The following FRMD4A variants were observed in gnomAD, a reference collection of about 807,000 sequenced individuals.
FRMD4A encodes the protein FERM domain-containing protein 4A.
In FRMD4A, 29 loss-of-function variants were observed where a neutral mutation model predicts 129.1. The ratio of observed to expected loss-of-function variants is 0.22; its 90% CI spans 0.17 to 0.31. FRMD4A has a LOEUF of 0.31. FRMD4A is among the 10% of genes least tolerant of loss of function. The pLI is 1.00. For missense variants in FRMD4A, 1,272 were observed against 1,375.8 expected (o/e 0.92, Z 1.19); for synonymous variants, 634 against 571.6 (o/e 1.11, Z -1.56).
At chr10:14,046,663 C>A (rs1834002280) in intron 2 of FRMD4A, among the ~76,000 whole-genome samples, 1 of 152,154 alleles carries the variant, frequency 6.6e-6, no homozygotes, top group African/African-American at 2.4e-5. Flanking sequence ...TAGAGAAAAT[C>A]ATTTCTGTTT....
intron 2 of FRMD4A, among the ~76,000 whole-genome samples, chr10:14,079,528 TAC>T (rs1835805719): frequency 6.6e-6 from 1 of 152,234 alleles, no homozygotes; most frequent in Non-Finnish European, 1.5e-5. Context: ...AACACCAATG[TAC>T]TAATAATCAA....
chr10:13,749,559 C>T (rs1219951839), intron 8 of FRMD4A, among the ~76,000 whole-genome samples: 1 of 152,124 alleles, frequency 6.6e-6, no homozygotes, highest in South Asian at 2.1e-4. Context: ...ATCAGCGTCA[C>T]CATTGGATGC....
intron 2 of FRMD4A, among the ~76,000 whole-genome samples, chr10:14,077,110 C>T (rs1319292293): frequency 1.3e-5 from 2 of 152,146 alleles, no homozygotes; most frequent in East Asian, 3.9e-4. Flanking sequence ...CACCCAAACA[C>T]CTAGAGGAGT....
At chr10:13,784,759 T>TG (rs1351880864) in intron 5 of FRMD4A, among the ~76,000 whole-genome samples, 9 of 151,626 alleles carry the variant, frequency 5.9e-5, no homozygotes, top group Non-Finnish European at 1.0e-4. Context: ...GAGGCTGAGG[T>TG]GGGGGGAATC....
At chr10:14,144,687 G>A (rs368027737) in intron 2 of FRMD4A, among the ~76,000 whole-genome samples, 48 of 152,232 alleles carry the variant, frequency 3.2e-4, no homozygotes, top group African/African-American at 1.2e-3. Flanking sequence ...AGTTTGTTCT[G>A]GTAGAGATGG....
intron 2 of FRMD4A, among the ~76,000 whole-genome samples, chr10:14,300,157 C>T (rs1447966313): frequency 2.6e-5 from 4 of 152,026 alleles, no homozygotes; most frequent in Non-Finnish European, 5.9e-5. Context: ...GAATGTATTT[C>T]CTTAGCAAAA....
At chr10:14,052,124 G>A (rs182278148) in intron 2 of FRMD4A, among the ~76,000 whole-genome samples, 1 of 152,302 alleles carries the variant, frequency 6.6e-6, no homozygotes, top group African/African-American at 2.4e-5. Flanking sequence ...GCCAATGGAT[G>A]CCAAGTATGC....
chr10:13,658,772 C>A (rs367657434), intron 21 of FRMD4A, among the ~76,000 whole-genome samples: 2 of 151,180 alleles, frequency 1.3e-5, no homozygotes, highest in East Asian at 2.0e-4. Context: ...ATCCCACCTA[C>A]TTGGGAGGCT....
In FRMD4A at chr10:13,889,786, C is replaced by T. The variant is rs549294346; in HGVS notation, c.46-30874G>A. ...TTAATTTTTTCTCCCTAAAACATTA[C>T]TTCTACCCACACAACTTCATACACC... On this transcript the variant is annotated intron_variant, in intron 2 of 24. Coordinates refer to ENST00000357447, the MANE Select transcript of FRMD4A (RefSeq NM_018027.5). 1.2e-3 allele frequency among the ~76,000 whole-genome samples: 187 copies of T among 152,326 alleles called. 1 individual carries two copies. The highest frequency in any genetic ancestry group is 4.2e-3 in the African/African-American group (176 of 41,578).
chr10:13,733,568 G>GC (rs1274223045), intron 12 of FRMD4A, among the ~76,000 whole-genome samples: 1 of 152,074 alleles, frequency 6.6e-6, no homozygotes, highest in Non-Finnish European at 1.5e-5. Context: ...GATTATAGGC[G>GC]CCCCGCCCCC....
chr10:14,018,940 C>A (rs1832606931), intron 2 of FRMD4A, among the ~76,000 whole-genome samples: 1 of 152,076 alleles, frequency 6.6e-6, no homozygotes, highest in Admixed American at 6.5e-5. Flanking sequence ...CAAGAGAATA[C>A]CGATCACTAG....
intron 7 of FRMD4A, 130 bp downstream of exon 7, chr10:13,762,494 G>T: frequency 1.6e-6 from 1 of 628,938 alleles, no homozygotes; most frequent in Non-Finnish European, 2.9e-6. Flanking sequence ...GCTCTATGCA[G>T]CTTGTGGCTA....
chr10:14,321,544 G>A (rs896852087), intron 2 of FRMD4A, among the ~76,000 whole-genome samples: 1 of 152,106 alleles, frequency 6.6e-6, no homozygotes, highest in Admixed American at 6.5e-5. Context: ...GGGACATGAG[G>A]CTGGGCAGGT....
intron 2 of FRMD4A, among the ~76,000 whole-genome samples, chr10:14,056,322 G>A (rs1224638163): frequency 6.6e-6 from 1 of 151,968 alleles, no homozygotes; most frequent in Non-Finnish European, 1.5e-5. Context: ...GTGAGCCACC[G>A]GACCTGATCT....
In FRMD4A at chr10:13,666,156, T is replaced by A; in HGVS notation, c.1544A>T (p.Asn515Ile). Reference protein sequence around the residue: ...KKLQEIENAINENRIKSGKKP... With the variant: ...KKLQEIENAIIENRIKSGKKP... ...CTTCCCAGACTTGATGCGGTTCTCA[T>A]TGATTGCATTTTCAATCTCCTGCAG... Residue 515 changes from asparagine to isoleucine, a missense_variant, in exon 18 of 25, where the codon AAT becomes ATT. Physicochemically the swap from Asn to Ile is moderately radical, Grantham distance 149. Around this residue, in one of 2 missense-constraint regions of FRMD4A, gnomAD observed 972 missense variants for 892.3 expected, o/e 1.09. Coordinates refer to ENST00000357447, the MANE Select transcript of FRMD4A (RefSeq NM_018027.5). The A allele has an allele frequency of 1.9e-6, 3 of 1,613,656 alleles. 1 individual carries two copies. The highest frequency in any genetic ancestry group is 2.2e-5 in the South Asian group (2 of 91,068).
At chr10:14,046,756 G>C (rs928762882) in intron 2 of FRMD4A, among the ~76,000 whole-genome samples, 1 of 152,150 alleles carries the variant, frequency 6.6e-6, no homozygotes, top group African/African-American at 2.4e-5. Flanking sequence ...TGTTCTGCCT[G>C]GCTTTGCCCT....
At chr10:13,715,848 G>C (rs1003540110) in intron 12 of FRMD4A, among the ~76,000 whole-genome samples, 4 of 149,528 alleles carry the variant, frequency 2.7e-5, no homozygotes, top group Non-Finnish European at 5.9e-5. Flanking sequence ...GGAGGTTGCA[G>C]TGAGCAGAGA....
intron 2 of FRMD4A, chr10:13,971,752 G>T: frequency 7.7e-7 from 1 of 1,304,430 alleles, no homozygotes; most frequent in Non-Finnish European, 1.0e-6. Context: ...GACAAGTCAG[G>T]TTCCAACTCC....
At chr10:13,756,550 A>G (rs534319134) in intron 8 of FRMD4A, among the ~76,000 whole-genome samples, 1 of 152,120 alleles carries the variant, frequency 6.6e-6, no homozygotes, top group Non-Finnish European at 1.5e-5. Flanking sequence ...TTTTTAGTGG[A>G]GACGGGGTTT....
Sources: allele counts gnomAD v4.1 joint callset (sites outside exome capture counted in the v4.1 genomes callset), GRCh38; gene constraint gnomAD v4.1.1; regional missense constraint gnomAD v4.1.1; transcripts MANE v1.5; gene names NCBI Gene and HGNC (gene_info 2026-07-23, HGNC 2026-07-21).